Variants in PTPRT observed in about 807,000 individuals in gnomAD.
The protein encoded by PTPRT is receptor-type tyrosine-protein phosphatase T.
PTPRT carries 56 observed loss-of-function variants against 176.8 expected under a neutral mutation model. The ratio of observed to expected loss-of-function variants is 0.32; its 90% CI spans 0.26 to 0.40. The LOEUF (loss-of-function observed/expected upper bound fraction) is 0.40, where lower values mean the gene tolerates loss of function less well. Among genes scored for constraint, PTPRT ranks in the 10% least tolerant of loss-of-function variants. The probability of loss-of-function intolerance (pLI) is 1.00; values close to 1 mark genes in which losing one functional copy is unlikely to be tolerated. For synonymous variants in PTPRT, 783 were observed against 739.0 expected, an observed-to-expected ratio of 1.06 and a Z score of -0.96; for missense variants, 1,540 against 1,908.2, an observed-to-expected ratio of 0.81 and a Z score of 3.60.
intron 13 of PTPRT, among the ~76,000 whole-genome samples, chr20:42,281,031 A>G (rs2057130606): frequency 6.6e-6 from 1 of 152,062 alleles, no homozygotes; most frequent in Non-Finnish European, 1.5e-5. Flanking sequence ...AGCATACCAT[A>G]GTGAAGGAGC....
rs1382611835 is a variant in PTPRT at position 42,169,859 on chromosome 20, G to A, written c.2492-8317C>T. Among the ~76,000 whole-genome samples, 10 of 150,518 alleles carry A rather than the reference G, an allele frequency of 6.6e-5. No homozygotes were observed. In the South Asian group the frequency reaches 8.4e-4, roughly 13 times the overall value. On this transcript the variant is annotated intron_variant, in intron 16 of 30. Coordinates refer to ENST00000373187, the MANE Select transcript of PTPRT (RefSeq NM_007050.6). ...TTGTTATTTTCTGGCTAAGTTCACC[G>A]TATGACTTGGTGGGGGCGGGGGCAG...
intron 1 of PTPRT, among the ~76,000 whole-genome samples, chr20:42,908,741 T>C (rs2079509873): frequency 6.6e-6 from 1 of 152,236 alleles, no homozygotes; most frequent in Admixed American, 6.5e-5. Flanking sequence ...TGCTATACTA[T>C]TTCAGGGTAT....
chr20:42,401,944 C>T (rs1448205492), intron 9 of PTPRT, among the ~76,000 whole-genome samples: 1 of 152,118 alleles, frequency 6.6e-6, no homozygotes, highest in African/African-American at 2.4e-5. Context: ...TTCTCTCTAC[C>T]CTACTGGTCA....
intron 11 of PTPRT, among the ~76,000 whole-genome samples, chr20:42,334,284 G>A (rs1336051147): frequency 6.6e-6 from 1 of 152,078 alleles, no homozygotes; most frequent in Non-Finnish European, 1.5e-5. Flanking sequence ...CTAACTAGAT[G>A]CCAGTATCAC....
At chr20:42,532,423 C>T (rs2072400610) in intron 7 of PTPRT, among the ~76,000 whole-genome samples, 1 of 152,088 alleles carries the variant, frequency 6.6e-6, no homozygotes, top group Middle Eastern at 3.2e-3. Flanking sequence ...TTTTTTGAGA[C>T]AGGGTCTCAA....
At chr20:42,137,823 A>T (rs573142744) in intron 18 of PTPRT, among the ~76,000 whole-genome samples, 26 of 152,338 alleles carry the variant, frequency 1.7e-4, no homozygotes, top group African/African-American at 6.3e-4. Context: ...GCTGAAGGTA[A>T]ACAACAGAAC....
intron 3 of PTPRT, among the ~76,000 whole-genome samples, chr20:42,788,745 G>A (rs1208140974): frequency 2.0e-5 from 3 of 152,208 alleles, no homozygotes; most frequent in East Asian, 3.9e-4. Flanking sequence ...CAGCAATGGA[G>A]GATGAGAATG....
At chr20:42,525,766 C>A (rs2072256962) in intron 7 of PTPRT, among the ~76,000 whole-genome samples, 1 of 152,130 alleles carries the variant, frequency 6.6e-6, no homozygotes, top group African/African-American at 2.4e-5. Flanking sequence ...GAAGCTACAG[C>A]AAAAAGACTA....
At chr20:42,215,224 G>A (rs2055741150) in intron 15 of PTPRT, among the ~76,000 whole-genome samples, 1 of 152,160 alleles carries the variant, frequency 6.6e-6, no homozygotes, top group Non-Finnish European at 1.5e-5. Flanking sequence ...TCTGTTCTTG[G>A]TGTTGCAGAA....
rs57688619 is a variant in PTPRT, at chr20:42,341,425, T to TA, written c.1865+9202dup. 1.3e-3 allele frequency among the ~76,000 whole-genome samples: 202 copies of TA among 151,612 alleles called. 2 individuals are homozygous for TA. Among genetic ancestry groups the TA allele is most frequent in the African/African-American group, 4.4e-3 (181 of 41,338 alleles). ...AAGCTCCTGGAGAAGATTAAACGAT[T>TA]AAAAAAAAATTAAACGATTCTTCCT... On this transcript the variant is annotated intron_variant, in intron 11 of 30. Coordinates refer to ENST00000373187, the MANE Select transcript of PTPRT (RefSeq NM_007050.6).
rs144525666 is a variant in PTPRT at position 42,911,125 on chromosome 20, T to A, written c.89-25193A>T. ...TGGGGATTATAAGATGAGATTTGGG[T>A]GAGGTCACAAAGCCTAACCATAGGA... is the stretch of plus-strand genomic sequence containing the variant. On this transcript the variant is annotated intron_variant, in intron 1 of 30. Coordinates refer to ENST00000373187, the MANE Select transcript of PTPRT (RefSeq NM_007050.6). Among the ~76,000 whole-genome samples, 382 of 152,240 alleles carry A rather than the reference T, an allele frequency of 2.5e-3. 1 individual carries two copies. Among genetic ancestry groups the A allele is most frequent in the African/African-American group, 8.7e-3 (362 of 41,548 alleles).
intron 5 of PTPRT, among the ~76,000 whole-genome samples, chr20:42,767,946 T>C (rs192720345): frequency 0.012 from 1,658 of 143,910 alleles, 40 homozygotes; most frequent in African/African-American, 0.04. Flanking sequence ...TATAACATAC[T>C]ATATATTATA....
intron 7 of PTPRT, among the ~76,000 whole-genome samples, chr20:42,519,825 G>A (rs1258833615): frequency 6.6e-6 from 1 of 151,838 alleles, no homozygotes; most frequent in Non-Finnish European, 1.5e-5. Context: ...TATATGCTTG[G>A]TTTACAAATT....
At chr20:42,819,679 TG>T (rs1250728766) in intron 2 of PTPRT, among the ~76,000 whole-genome samples, 1 of 151,324 alleles carries the variant, frequency 6.6e-6, no homozygotes, top group Non-Finnish European at 1.5e-5. Flanking sequence ...AAGACATACA[TG>T]GGCTCAAAAT....
At position 42,472,295 on chromosome 20, in the gene PTPRT, T is replaced by C. The variant is rs1303701349; in HGVS notation, c.1421A>G (p.Glu474Gly). 6.2e-7 allele frequency: 1 copy of C among 1,614,200 alleles called. No homozygotes were observed. Among genetic ancestry groups the C allele is most frequent in the Admixed American group, 1.7e-5 (1 of 60,022 alleles). Residue 474 changes from glutamate (E) to glycine (G), a missense_variant, in exon 8 of 31, where the codon GAG becomes GGG. Physicochemically the swap from Glu to Gly is moderately conservative, Grantham distance 98 (BLOSUM62 -2). Transcript: ENST00000373187. ...LSNPEGRMES[E>G]ELVVQTEEDV... Reference sequence around the variant, plus strand: ...TTCCTCAGTCTGCACCACCAGCTCCTCGCTCTCCATTCGGCCCTCGGGGTT... The same window carrying C: ...TTCCTCAGTCTGCACCACCAGCTCCCCGCTCTCCATTCGGCCCTCGGGGTT...
chr20:42,697,891 C>T (rs1337461420), intron 6 of PTPRT, among the ~76,000 whole-genome samples: 1 of 152,168 alleles, frequency 6.6e-6, no homozygotes, highest in African/African-American at 2.4e-5. Flanking sequence ...AAATTCTTGC[C>T]TAAAGCCTCA....
intron 9 of PTPRT, among the ~76,000 whole-genome samples, chr20:42,356,782 A>G (rs915163237): frequency 6.6e-6 from 1 of 152,152 alleles, no homozygotes; most frequent in Non-Finnish European, 1.5e-5. Flanking sequence ...TGTCTCTGTC[A>G]TGTGGTCTTA....
chr20:42,201,730 C>CAAA (rs57007206), intron 15 of PTPRT, among the ~76,000 whole-genome samples: 4 of 74,054 alleles, frequency 5.4e-5, no homozygotes, highest in Non-Finnish European at 1.0e-4. Flanking sequence ...GAACCAGAGG[C>CAAA]AAAAAAAAAA....
chr20:43,036,428 A>T (rs1986381861), intron 1 of PTPRT, among the ~76,000 whole-genome samples: 2 of 152,194 alleles, frequency 1.3e-5, no homozygotes, highest in South Asian at 4.2e-4. Flanking sequence ...AAAAAAGGAG[A>T]AAAATGCAAC....
Sources: allele counts gnomAD v4.1 joint callset (sites outside exome capture counted in the v4.1 genomes callset), GRCh38; gene constraint gnomAD v4.1.1; transcripts MANE v1.5; gene names NCBI Gene and HGNC (gene_info 2026-07-23, HGNC 2026-07-21).